The following ASRGL1 variants were observed in gnomAD, a reference collection of about 807,000 sequenced individuals.
ASRGL1 encodes the protein asparaginase and isoaspartyl peptidase 1, also known as isoaspartyl peptidase/L-asparaginase.
ASRGL1 carries 16 observed loss-of-function variants against 22.4 expected under a neutral mutation model. The ratio of observed to expected loss-of-function variants is 0.71; its 90% CI spans 0.48 to 1.08. ASRGL1 has a LOEUF of 1.08. Ranked by LOEUF, ASRGL1 falls within the 50% of genes least tolerant of loss-of-function variation. The probability of loss-of-function intolerance (pLI) is 0.00; values close to 1 mark genes in which losing one functional copy is unlikely to be tolerated. For synonymous variants in ASRGL1, 165 were observed against 159.3 expected (o/e 1.04, Z -0.27); for missense variants, 412 against 410.1 (o/e 1.00, Z -0.04).
chr11:62,387,706 G>A (rs183598918), intron 4 of ASRGL1, among the ~76,000 whole-genome samples: 259 of 152,146 alleles, frequency 1.7e-3, no homozygotes, highest in Non-Finnish European at 2.3e-3. Context: ...TTTTGTTTGG[G>A]TTTTTTGTTT....
chr11:62,376,640 CCTTA>C (rs1347667703), intron 4 of ASRGL1, among the ~76,000 whole-genome samples: 1 of 152,026 alleles, frequency 6.6e-6, no homozygotes, highest in Non-Finnish European at 1.5e-5. Context: ...GTGGTACACT[CCTTA>C]CTGTCTCCCC....
chr11:62,351,864 G>A (rs1946174740), intron 2 of ASRGL1, among the ~76,000 whole-genome samples: 1 of 152,052 alleles, frequency 6.6e-6, no homozygotes, highest in African/African-American at 2.4e-5. Flanking sequence ...TGTAGAGACA[G>A]GGTCTCCCTG....
downstream of ASRGL1, among the ~76,000 whole-genome samples, chr11:62,398,279 C>T (rs1286501794): frequency 6.6e-6 from 1 of 151,972 alleles, no homozygotes; most frequent in African/African-American, 2.4e-5. Flanking sequence ...AAAGGACCTG[C>T]CCCCACCCTT....
intron 2 of ASRGL1, among the ~76,000 whole-genome samples, chr11:62,349,934 A>G (rs1275540854): frequency 6.6e-6 from 1 of 152,064 alleles, no homozygotes; most frequent in Non-Finnish European, 1.5e-5. Flanking sequence ...GGAGTGGAGC[A>G]GTGAGGACGA....
At chr11:62,371,372 G>T in intron 4 of ASRGL1, 2 of 728,152 alleles carry the variant, frequency 2.7e-6, no homozygotes, top group South Asian at 3.9e-5. Flanking sequence ...GGCAAGGTGG[G>T]CGGTGCGGCT....
intron 4 of ASRGL1, among the ~76,000 whole-genome samples, chr11:62,387,234 T>A (rs1206689666): frequency 1.3e-5 from 2 of 152,054 alleles, no homozygotes; most frequent in African/African-American, 4.8e-5. Context: ...TGAACTCAGG[T>A]TGTGTCACTT....
intron 2 of ASRGL1, among the ~76,000 whole-genome samples, chr11:62,338,500 G>T (rs996058626): frequency 6.6e-6 from 1 of 152,176 alleles, no homozygotes; most frequent in Non-Finnish European, 1.5e-5. Flanking sequence ...TGAGACTACT[G>T]GGGGAGGGGG....
At chr11:62,351,045 A>G (rs1020203137) in intron 2 of ASRGL1, among the ~76,000 whole-genome samples, 1 of 151,988 alleles carries the variant, frequency 6.6e-6, no homozygotes, top group African/African-American at 2.4e-5. Context: ...TTTTTTAGCT[A>G]TTTGCTCTAG....
At chr11:62,387,974 T>C (rs1460814571) in intron 4 of ASRGL1, among the ~76,000 whole-genome samples, 1 of 152,202 alleles carries the variant, frequency 6.6e-6, no homozygotes, top group Non-Finnish European at 1.5e-5. Flanking sequence ...AATGCATAGT[T>C]GGGCAATTTC....
intron 4 of ASRGL1, among the ~76,000 whole-genome samples, chr11:62,362,671 T>TATAATATATATTATATAAAATATATAAC (rs1946495874): frequency 6.6e-5 from 4 of 60,978 alleles, no homozygotes; most frequent in Non-Finnish European, 1.2e-4. Context: ...AAATATATAA[T>TATAATATATATTATATAAAATATATAAC]ATATATTATA....
In ASRGL1 at chr11:62,338,183, A is replaced by G; in HGVS notation, c.190+16A>G. On this transcript the variant is annotated intron_variant, in intron 2 of 6. Coordinates refer to ENST00000415229, the MANE Select transcript of ASRGL1 (RefSeq NM_001083926.2). ...TTCAACGCAGGTAAATGTGCCTTTCAGCTAGTAAATAATGTGAGTCAGGTC... is the reference window on the plus strand; with the variant it reads ...TTCAACGCAGGTAAATGTGCCTTTCGGCTAGTAAATAATGTGAGTCAGGTC... 6.5e-7 allele frequency: 1 copy of G among 1,533,638 alleles called. No homozygotes were observed. Among genetic ancestry groups the G allele is most frequent in the Admixed American group, 2.1e-5 (1 of 47,754 alleles).
At chr11:62,371,481 G>C in intron 4 of ASRGL1, 1 of 637,236 alleles carries the variant, frequency 1.6e-6, no homozygotes, top group South Asian at 1.7e-5. Flanking sequence ...TGCAGGCTGT[G>C]CTTTGTTAAA....
intron 2 of ASRGL1, among the ~76,000 whole-genome samples, chr11:62,352,603 G>A (rs1022249081): frequency 1.3e-5 from 2 of 151,998 alleles, no homozygotes; most frequent in African/African-American, 4.8e-5. Context: ...AAAAGCAGCA[G>A]CCTCAGAATG....
At position 62,391,576 on chromosome 11, in the gene ASRGL1, G is replaced by T; in HGVS notation, c.665G>T (p.Gly222Val). Residue 222 changes from glycine to valine, a missense_variant, in exon 6 of 7, where the codon GGG becomes GTG. Coordinates refer to ENST00000415229, the MANE Select transcript of ASRGL1 (RefSeq NM_001083926.2). Reference sequence around the variant, plus strand: ...GGAGCCGTCTCAACCACAGGGCATGGGGAAAGCATCCTGAAGGTGAACCTG... The same window carrying T: ...GGAGCCGTCTCAACCACAGGGCATGTGGAAAGCATCCTGAAGGTGAACCTG... The part of the protein sequence containing the change: ...DIGAVSTTGH[G>V]ESILKVNLAR... The T allele has an allele frequency of 6.2e-7, 1 of 1,612,782 alleles. No homozygotes were observed. Among genetic ancestry groups the T allele is most frequent in the East Asian group, 2.2e-5 (1 of 44,876 alleles).
At chr11:62,338,459 A>T (rs1318530213) in intron 2 of ASRGL1, 1 of 305,532 alleles carries the variant, frequency 3.3e-6, no homozygotes, top group Non-Finnish European at 6.0e-6. Flanking sequence ...ATCAGTACAT[A>T]CAAGACATAC....
At chr11:62,395,231 G>C (rs974655868), downstream of ASRGL1, among the ~76,000 whole-genome samples, 2 of 152,188 alleles carry the variant, frequency 1.3e-5, no homozygotes, top group Admixed American at 6.5e-5. Context: ...GCTCTGCCCT[G>C]GGCGCTGCCA....
At chr11:62,383,578 G>A in intron 4 of ASRGL1, among the ~76,000 whole-genome samples, 1 of 124,784 alleles carries the variant, frequency 8.0e-6, no homozygotes, top group Non-Finnish European at 1.6e-5. Context: ...ACTCCAGCCT[G>A]GGCGACAGAG....
chr11:62,356,531 C>A, intron 3 of ASRGL1, 64 bp downstream of exon 3: 1 of 1,542,752 alleles, frequency 6.5e-7, no homozygotes, highest in Non-Finnish European at 8.9e-7. Flanking sequence ...GTGATAAGGG[C>A]TCCAACTGTG....
chr11:62,356,078 C>G lies in ASRGL1; in HGVS notation c.191-247C>G, dbSNP rs891040316. 3.9e-5 allele frequency among the ~76,000 whole-genome samples: 6 copies of G among 152,198 alleles called. No individual in the cohort carries two copies. The South Asian group carries it at 6.2e-4, about 16-fold the overall frequency. On this transcript the variant is annotated intron_variant, in intron 2 of 6. Coordinates refer to ENST00000415229, the MANE Select transcript of ASRGL1 (RefSeq NM_001083926.2). ...CTCAATCTTTTCCCCACCTTTCCCC[C>G]CTTTCTATTCCACAAAACCGCCATT...
Sources: gnomAD v4.1 joint callset for allele counts (sites outside exome capture counted in the v4.1 genomes callset) on GRCh38, gnomAD v4.1.1 for gene constraint, MANE v1.5 for transcripts, NCBI Gene and HGNC (gene_info 2026-07-23, HGNC 2026-07-21) for gene names.